Variants in KLHL29 observed in about 807,000 individuals in gnomAD.
The protein encoded by KLHL29 is kelch like family member 29.
KLHL29 carries 21 observed loss-of-function variants against 80.4 expected under a neutral mutation model. The ratio of observed to expected loss-of-function variants is 0.26; its 90% CI spans 0.19 to 0.38. The LOEUF is 0.38. Among genes scored for constraint, KLHL29 ranks in the 10% least tolerant of loss-of-function variants. The pLI is 1.00. For missense variants in KLHL29, 867 were observed against 1,223.9 expected, an observed-to-expected ratio of 0.71 and a Z score of 4.35; for synonymous variants, 511 against 526.8, an observed-to-expected ratio of 0.97 and a Z score of 0.41.
At chr2:23,640,991 G>C (rs1165720237) in intron 4 of KLHL29, among the ~76,000 whole-genome samples, 1 of 152,174 alleles carries the variant, frequency 6.6e-6, no homozygotes, top group Admixed American at 6.5e-5. Flanking sequence ...TGTGGGGCTT[G>C]TGGTGCTGAG....
intron 4 of KLHL29, among the ~76,000 whole-genome samples, chr2:23,641,188 C>T (rs1669759983): frequency 6.6e-6 from 1 of 152,198 alleles, no homozygotes; most frequent in African/African-American, 2.4e-5. Flanking sequence ...TCACAGGCCC[C>T]CTTAGGTCAC....
chr2:23,595,616 A>G (rs576985292), intron 3 of KLHL29, among the ~76,000 whole-genome samples: 1 of 152,314 alleles, frequency 6.6e-6, no homozygotes, highest in Non-Finnish European at 1.5e-5. Flanking sequence ...GGGCACTGCC[A>G]GGCTGTGGTG....
chr2:23,586,639 G>A (rs565877126), intron 3 of KLHL29, among the ~76,000 whole-genome samples: 1 of 152,238 alleles, frequency 6.6e-6, no homozygotes, highest in South Asian at 2.1e-4. Context: ...GGGATTACAG[G>A]CATGAGCCAC....
chr2:23,556,162 A>T (rs1317892070), intron 2 of KLHL29, among the ~76,000 whole-genome samples: 2 of 152,166 alleles, frequency 1.3e-5, no homozygotes, highest in Non-Finnish European at 2.9e-5. Context: ...CAGAGAAGGC[A>T]GCGGGGAGCC....
intron 2 of KLHL29, among the ~76,000 whole-genome samples, chr2:23,513,310 C>A (rs1224656669): frequency 1.3e-5 from 2 of 152,322 alleles, no homozygotes; most frequent in East Asian, 3.9e-4. Context: ...AAAGGCAGAA[C>A]TCCCTGGTCG....
rs1432119616 is a variant in KLHL29, at chr2:23,681,147, G to A, written c.941-3252G>A. 1.3e-5 allele frequency among the ~76,000 whole-genome samples: 2 copies of A among 152,216 alleles called. No individual in the cohort carries two copies. The highest frequency in any genetic ancestry group is 1.9e-4 in the East Asian group (1 of 5,186). ...TGAGAGCCTAAGCTCCTGCTTCGCC[G>A]GCCGGGCAGGCAGTGGGCAGCAGCC... On this transcript the variant is annotated intron_variant, in intron 5 of 13. Coordinates refer to ENST00000486442, the MANE Select transcript of KLHL29 (RefSeq NM_052920.2). The surrounding 1 kb of genome is among the most constrained non-coding windows in gnomAD (Gnocchi z 4.2).
chr2:23,482,767 T>C (rs1311459138), intron 2 of KLHL29, among the ~76,000 whole-genome samples: 2 of 152,214 alleles, frequency 1.3e-5, no homozygotes, highest in Non-Finnish European at 2.9e-5. Flanking sequence ...CCAGGAGTAC[T>C]GGGGACTACA....
chr2:23,418,339 G>A (rs1449596386), intron 1 of KLHL29, among the ~76,000 whole-genome samples: 2 of 152,186 alleles, frequency 1.3e-5, no homozygotes, highest in Admixed American at 6.5e-5. Flanking sequence ...TTGGGAGGGT[G>A]TCCCAAGGCT....
In KLHL29 at chr2:23,503,597, G is replaced by A. The variant is rs115003361; in HGVS notation, c.-46+27930G>A. Among the ~76,000 whole-genome samples, 1,703 of 151,676 alleles carry A rather than the reference G, an allele frequency of 0.011. 36 individuals carry two copies. Among genetic ancestry groups the A allele is most frequent in the African/African-American group, 0.039 (1,609 of 41,300 alleles). On this transcript the variant is annotated intron_variant, in intron 2 of 13. Transcript: ENST00000486442. The surrounding 1 kb of genome is among the most constrained non-coding windows in gnomAD (Gnocchi z 4.0). ...AGCCCACCGAGACTGCTGCAGCCTC[G>A]CTCATCCAGAACAGAGGCACCATGG...
intron 2 of KLHL29, among the ~76,000 whole-genome samples, chr2:23,557,964 G>A (rs79862488): frequency 6.6e-6 from 1 of 152,214 alleles, no homozygotes; most frequent in South Asian, 2.1e-4. Context: ...GTAGGGAAAC[G>A]CTCTTCCATC....
intron 2 of KLHL29, among the ~76,000 whole-genome samples, chr2:23,516,410 G>A (rs1046247413): frequency 1.3e-5 from 2 of 151,830 alleles, no homozygotes; most frequent in Non-Finnish European, 1.5e-5. Context: ...GCACACACAC[G>A]TGGGAATGCT....
chr2:23,625,683 ACTTT>A (rs1486556629), intron 3 of KLHL29, among the ~76,000 whole-genome samples: 1 of 152,202 alleles, frequency 6.6e-6, no homozygotes, highest in African/African-American at 2.4e-5. Flanking sequence ...CTGAACGCCC[ACTTT>A]GTGCAGGCTG....
At chr2:23,662,820 C>T (rs1313364063) in intron 5 of KLHL29, among the ~76,000 whole-genome samples, 1 of 152,200 alleles carries the variant, frequency 6.6e-6, no homozygotes, top group Non-Finnish European at 1.5e-5. Context: ...CTTCCTGGGC[C>T]CCGAGCCTGA....
chr2:23,494,412 C>T (rs72778307), intron 2 of KLHL29, among the ~76,000 whole-genome samples: 3 of 152,318 alleles, frequency 2.0e-5, no homozygotes, highest in East Asian at 1.9e-4. Flanking sequence ...AGCTCCTCCA[C>T]GGAGATGCTT....
At chr2:23,640,229 A>T (rs1300493172) in intron 4 of KLHL29, among the ~76,000 whole-genome samples, 2 of 151,804 alleles carry the variant, frequency 1.3e-5, no homozygotes, top group Admixed American at 6.6e-5. Context: ...TGCTGACCCT[A>T]CCCCTCCCAA....
intron 1 of KLHL29, among the ~76,000 whole-genome samples, chr2:23,434,050 G>A (rs1381025356): frequency 6.6e-6 from 1 of 152,118 alleles, no homozygotes; most frequent in Non-Finnish European, 1.5e-5. Flanking sequence ...GGCCGGGCGC[G>A]GTGGCTCACG....
At chr2:23,611,440 G>A (rs186247008) in intron 3 of KLHL29, among the ~76,000 whole-genome samples, 2 of 152,308 alleles carry the variant, frequency 1.3e-5, no homozygotes, top group Admixed American at 1.3e-4. Flanking sequence ...CCTCTGAGGA[G>A]CTGCCTCTCT....
chr2:23,406,399 C>T (rs1230365186), intron 1 of KLHL29, among the ~76,000 whole-genome samples: 1 of 151,424 alleles, frequency 6.6e-6, no homozygotes, highest in Non-Finnish European at 1.5e-5. Context: ...ATCATATTGT[C>T]CTCCAGTCTT....
chr2:23,538,376 C>G (rs1026370727), intron 2 of KLHL29, among the ~76,000 whole-genome samples: 2 of 152,196 alleles, frequency 1.3e-5, no homozygotes, highest in Non-Finnish European at 2.9e-5. Flanking sequence ...ATTCCTAATT[C>G]TCCCTCCTAT....
Sources: gnomAD v4.1 joint callset for allele counts (sites outside exome capture counted in the v4.1 genomes callset) on GRCh38, gnomAD v4.1.1 for gene constraint, Gnocchi (gnomAD v3.1) non-coding constraint, MANE v1.5 for transcripts, NCBI Gene and HGNC (gene_info 2026-07-23, HGNC 2026-07-21) for gene names.